The following ST6GALNAC3 variants were observed in gnomAD, a reference collection of about 807,000 sequenced individuals.
ST6GALNAC3 encodes the protein ST6 N-acetylgalactosaminide alpha-2,6-sialyltransferase 3.
In ST6GALNAC3, 25 loss-of-function variants were observed where a neutral mutation model predicts 32.7. The ratio of observed to expected loss-of-function variants is 0.76; its 90% CI spans 0.56 to 1.07. The LOEUF is 1.07. ST6GALNAC3 is among the 50% of genes least tolerant of loss of function. The pLI is 0.00. For synonymous variants in ST6GALNAC3, 129 were observed against 133.1 expected (o/e 0.97, Z 0.21); for missense variants, 355 against 382.4 (o/e 0.93, Z 0.60).
At chr1:76,130,393 G>A (rs550350657) in intron 1 of ST6GALNAC3, among the ~76,000 whole-genome samples, 1 of 152,298 alleles carries the variant, frequency 6.6e-6, no homozygotes, top group Non-Finnish European at 1.5e-5. Context: ...GCTCTCCATG[G>A]GGTGGGTGGC....
At chr1:76,337,710 A>G (rs2100980925) in intron 2 of ST6GALNAC3, among the ~76,000 whole-genome samples, 1 of 152,178 alleles carries the variant, frequency 6.6e-6, no homozygotes, top group South Asian at 2.1e-4. Flanking sequence ...CATATTTGAG[A>G]AGGCCTGCCC....
At chr1:76,433,809 T>C (rs994988999) in intron 3 of ST6GALNAC3, among the ~76,000 whole-genome samples, 2 of 152,198 alleles carry the variant, frequency 1.3e-5, no homozygotes, top group Non-Finnish European at 2.9e-5. Flanking sequence ...TAGCACTGAC[T>C]GCCTTATGAA....
intron 1 of ST6GALNAC3, among the ~76,000 whole-genome samples, chr1:76,147,064 C>CTTTT (rs35731973): frequency 1.5e-5 from 2 of 136,384 alleles, no homozygotes; most frequent in Non-Finnish European, 1.6e-5. Flanking sequence ...CCCCCCACTT[C>CTTTT]TTTTTTTTTT....
chr1:76,256,725 A>G (rs1657942092), intron 1 of ST6GALNAC3, among the ~76,000 whole-genome samples: 1 of 151,998 alleles, frequency 6.6e-6, no homozygotes, highest in African/African-American at 2.4e-5. Context: ...CTGAACACAT[A>G]AAATGACTTT....
intron 3 of ST6GALNAC3, among the ~76,000 whole-genome samples, chr1:76,608,603 G>GTGTT: frequency 9.6e-6 from 1 of 104,418 alleles, no homozygotes; most frequent in East Asian, 2.1e-4. Context: ...GGAAATGTGT[G>GTGTT]TGTGTGTGTG....
At chr1:76,184,989 C>T (rs1653461300) in intron 1 of ST6GALNAC3, among the ~76,000 whole-genome samples, 1 of 152,154 alleles carries the variant, frequency 6.6e-6, no homozygotes, top group Non-Finnish European at 1.5e-5. Flanking sequence ...CAACGAAGTG[C>T]CCTTCTCTGT....
intron 3 of ST6GALNAC3, among the ~76,000 whole-genome samples, chr1:76,473,725 G>A (rs912865150): frequency 6.6e-6 from 1 of 152,226 alleles, no homozygotes; most frequent in East Asian, 1.9e-4. Context: ...GTGATGATCA[G>A]ATGAAAAGCC....
At chr1:76,279,387 G>A (rs1409334365) in intron 1 of ST6GALNAC3, among the ~76,000 whole-genome samples, 2 of 152,190 alleles carry the variant, frequency 1.3e-5, no homozygotes, top group Non-Finnish European at 2.9e-5. Context: ...GAAAATTACC[G>A]CAAGTCATTC....
chr1:76,204,369 A>G (rs1330887167), intron 1 of ST6GALNAC3, among the ~76,000 whole-genome samples: 1 of 152,230 alleles, frequency 6.6e-6, no homozygotes, highest in Admixed American at 6.5e-5. Context: ...ATAGTAGATG[A>G]AAACTTAATC....
intron 2 of ST6GALNAC3, among the ~76,000 whole-genome samples, chr1:76,408,690 T>A (rs529128927): frequency 2.0e-5 from 3 of 152,222 alleles, no homozygotes; most frequent in South Asian, 4.1e-4. Context: ...ACTGGCTAAT[T>A]CATTATAATG....
intron 1 of ST6GALNAC3, among the ~76,000 whole-genome samples, chr1:76,092,066 T>C (rs1438717474): frequency 6.6e-6 from 1 of 152,202 alleles, no homozygotes; most frequent in Admixed American, 6.5e-5. Context: ...ACCTCCGTGC[T>C]CTTAACCCCA....
chr1:76,338,620 G>T lies in ST6GALNAC3; in HGVS notation c.213+24621G>T, dbSNP rs116323769. Among the ~76,000 whole-genome samples the T allele has an allele frequency of 8.1e-3, 1,238 of 152,224 alleles. 12 individuals are homozygous for T. The highest frequency in any genetic ancestry group is 0.028 in the African/African-American group (1,178 of 41,532). ...GAGACATTTTGTTTATCATAGCTGGGCAGGGAAGATGGGCAACAAGAGAGT... is the reference window on the plus strand; with the variant it reads ...GAGACATTTTGTTTATCATAGCTGGTCAGGGAAGATGGGCAACAAGAGAGT... On this transcript the variant is annotated intron_variant, in intron 2 of 4. Transcript: ENST00000328299.
intron 3 of ST6GALNAC3, among the ~76,000 whole-genome samples, chr1:76,544,361 T>G (rs991538578): frequency 6.6e-6 from 1 of 152,098 alleles, no homozygotes; most frequent in Admixed American, 6.6e-5. Flanking sequence ...TATTGGGGAA[T>G]GGATTGGAAG....
intron 1 of ST6GALNAC3, among the ~76,000 whole-genome samples, chr1:76,208,762 A>G (rs894365118): frequency 6.6e-6 from 1 of 152,128 alleles, no homozygotes; most frequent in Non-Finnish European, 1.5e-5. Context: ...TTCCAGTCAC[A>G]CTGTTCTTGG....
chr1:76,219,997 C>A (rs934959753), intron 1 of ST6GALNAC3, among the ~76,000 whole-genome samples: 6 of 152,020 alleles, frequency 3.9e-5, no homozygotes, highest in Admixed American at 6.6e-5. Context: ...GAGAAGGAGG[C>A]TTATTATTGT....
At chr1:76,297,288 T>G (rs1258393799) in intron 1 of ST6GALNAC3, among the ~76,000 whole-genome samples, 1 of 152,064 alleles carries the variant, frequency 6.6e-6, no homozygotes, top group East Asian at 1.9e-4. Context: ...CAATAATTAT[T>G]TTTTGCCTGA....
At chr1:76,181,551 C>T (rs1653179227) in intron 1 of ST6GALNAC3, among the ~76,000 whole-genome samples, 1 of 152,110 alleles carries the variant, frequency 6.6e-6, no homozygotes, top group African/African-American at 2.4e-5. Flanking sequence ...CATTCTTTGT[C>T]TACTTATATT....
intron 1 of ST6GALNAC3, among the ~76,000 whole-genome samples, chr1:76,089,297 C>T (rs988657475): frequency 1.2e-4 from 19 of 152,216 alleles, no homozygotes; most frequent in Admixed American, 3.3e-4. Flanking sequence ...GTGATCTGCC[C>T]GCCTTGGCCT....
chr1:76,275,039 T>C (rs529349500), intron 1 of ST6GALNAC3, among the ~76,000 whole-genome samples: 1 of 152,354 alleles, frequency 6.6e-6, no homozygotes, highest in East Asian at 1.9e-4. Flanking sequence ...AAGCTGACTA[T>C]GCTCTACGGA....
Sources: allele counts gnomAD v4.1 joint callset (sites outside exome capture counted in the v4.1 genomes callset), GRCh38; gene constraint gnomAD v4.1.1; transcripts MANE v1.5; gene names NCBI Gene and HGNC (gene_info 2026-07-23, HGNC 2026-07-21).